ATP1B2: variants seen among roughly 807,000 people sequenced by gnomAD.
ATP1B2 encodes the protein ATPase Na+/K+ transporting subunit beta 2.
ATP1B2 carries 12 observed loss-of-function variants against 37.3 expected under a neutral mutation model. That is an observed-to-expected ratio of 0.32 (90% CI 0.21 to 0.52). ATP1B2 has a LOEUF of 0.52. ATP1B2 is among the 20% of genes least tolerant of loss of function. The pLI is 0.96. For synonymous variants in ATP1B2, 139 were observed against 140.5 expected, an observed-to-expected ratio of 0.99 and a Z score of 0.07; for missense variants, 324 against 391.6, an observed-to-expected ratio of 0.83 and a Z score of 1.46.
chr17:7,653,615 C>A, intron 2 of ATP1B2, 113 bp downstream of exon 2: 1 of 1,490,360 alleles, frequency 6.7e-7, no homozygotes, highest in Middle Eastern at 2.0e-4. Context: ...CCAATCCCCA[C>A]GTGCTTGGAA....
intron 2 of ATP1B2, 53 bp downstream of exon 2, chr17:7,653,555 A>G: frequency 6.2e-7 from 1 of 1,603,284 alleles, no homozygotes; most frequent in Non-Finnish European, 8.5e-7. Context: ...TGTGCCCCCA[A>G]ACCTCCAGAA....
chr17:7,656,147 G>A lies in ATP1B2; in HGVS notation c.*252G>A, dbSNP rs1422293842. On this transcript the variant is annotated 3_prime_UTR_variant, in exon 7 of 7. Transcript: ENST00000250111. The stretch of plus-strand genomic sequence containing the variant: ...GGAGCTGGGCTAAGATGGCCACGGA[G>A]GAGTTAGGAGCCTTTCTAGTTCTGG... 7 of 537,458 alleles carry A rather than the reference G, an allele frequency of 1.3e-5. No individual in the cohort carries two copies. Among genetic ancestry groups the A allele is most frequent in the Non-Finnish European group, 2.3e-5 (7 of 299,030 alleles). 33.3% of individuals were successfully genotyped at this position (537,458 alleles called of 1,614,324 possible).
chr17:7,652,820 C>G (rs368847760), intron 1 of ATP1B2, among the ~76,000 whole-genome samples: 80 of 152,216 alleles, frequency 5.3e-4, no homozygotes, highest in East Asian at 2.5e-3. Flanking sequence ...GTTGAAGGTT[C>G]TAACAAGCCG....
chr17:7,646,877 A>G (rs1413804422), upstream of ATP1B2, among the ~76,000 whole-genome samples: 2 of 152,110 alleles, frequency 1.3e-5, no homozygotes, highest in African/African-American at 2.4e-5. Flanking sequence ...CAGGAGTTCA[A>G]CACAAGCCTT....
At chr17:7,650,030 TG>T (rs1219366714), upstream of ATP1B2, among the ~76,000 whole-genome samples, 3 of 152,172 alleles carry the variant, frequency 2.0e-5, no homozygotes, top group African/African-American at 7.2e-5. Flanking sequence ...GTAGAGCAAG[TG>T]TACTCCCGCC....
rs775542324 is a variant in ATP1B2, at chr17:7,655,244, T to G, written c.610-283T>G. ...TCTTGGCTCTGCTCCAGAAACTGAT[T>G]CCTGAGGATGGGGTAAGAACTTGGG... On this transcript the variant is annotated intron_variant, in intron 5 of 6. Transcript: ENST00000250111. The surrounding 1 kb of genome is among the most constrained non-coding windows in gnomAD (Gnocchi z 4.4). 5.9e-6 allele frequency: 3 copies of G among 506,472 alleles called. No individual in the cohort carries two copies. Among genetic ancestry groups the G allele is most frequent in the Non-Finnish European group, 1.1e-5 (3 of 284,766 alleles). 31.4% of individuals were successfully genotyped at this position (506,472 alleles called of 1,614,324 possible). A position where few individuals can be genotyped will look rare whatever the true frequency, so the allele number is the denominator to read the frequency against.
Position 7,654,928 on chromosome 17 carries a change from CCCT to C in ATP1B2, c.609+250_609+252del. On this transcript the variant is annotated intron_variant, in intron 5 of 6. Coordinates refer to ENST00000250111, the MANE Select transcript of ATP1B2 (RefSeq NM_001678.5). This position sits in a 1 kb window ranked among gnomAD's most constrained non-coding sequence, Gnocchi z 4.9. ...TGCTCTCCTAGGGGCCAGACACACG[CCCT>C]CCTCCACCAACGCCCTGGCCTCTGG... 1 of 511,098 alleles carries C rather than the reference CCCT, an allele frequency of 2.0e-6. No homozygotes were observed. The allele number at this position is 511,098 out of a possible 1,614,324, so 31.7% of individuals were successfully genotyped here.
In ATP1B2 at chr17:7,651,529, A is replaced by C. The variant is rs527725561; in HGVS notation, c.11A>C (p.Gln4Pro). 1.9e-6 allele frequency: 3 copies of C among 1,599,964 alleles called. No homozygotes were observed. The highest frequency in any genetic ancestry group is 1.7e-5 in the Admixed American group (1 of 58,262). The change falls in exon 1 of 7, where the codon CAG becomes CCG. Residue 4 changes from glutamine to proline, a missense_variant. By Grantham distance (76) the Gln-to-Pro change is moderately conservative (BLOSUM62 -1). Coordinates refer to ENST00000250111, the MANE Select transcript of ATP1B2 (RefSeq NM_001678.5). MVI[Q>P]KEKKSCGQVV... ...CCCCGCGCCACCAAGATGGTCATCC[A>C]GAAAGAGAAGAAGAGCTGCGGGCAG...
In ATP1B2 at chr17:7,653,946, G is replaced by A. The variant is rs753732257; in HGVS notation, c.346+1G>A. On this transcript the variant is annotated splice_donor_variant, in intron 3 of 6. Transcript: ENST00000250111. LOFTEE classifies it high-confidence loss of function. ...CAGAAGCTCAACAAGTTCTTGGAGCGTGAGTGTGGGCCTGGTTATGTGTCA... is the reference window on the plus strand; with the variant it reads ...CAGAAGCTCAACAAGTTCTTGGAGCATGAGTGTGGGCCTGGTTATGTGTCA... 1.2e-6 allele frequency: 2 copies of A among 1,614,000 alleles called. No individual in the cohort carries two copies. The highest frequency in any genetic ancestry group is 1.3e-5 in the African/African-American group (1 of 74,914).
rs764974809 is a variant in ATP1B2 at position 7,654,114 on chromosome 17, C to T, written c.409C>T (p.Gln137Ter). 1 of 1,614,184 alleles carries T rather than the reference C, an allele frequency of 6.2e-7. No homozygotes were observed. Reference protein sequence around the residue: ...DVCRPGRYYEQPDNGVLNYPK... With the variant: ...DVCRPGRYYE ...CTGCCGCCCTGGACGCTATTACGAA[C>T]AGCCAGATAATGGAGTCCTCAACTA... Residue 137 changes from glutamine to a stop codon, truncating the protein, a stop_gained, in exon 4 of 7, where the codon CAG (glutamine) becomes TAG (stop). Transcript: ENST00000250111. LOFTEE classifies it high-confidence loss of function. The surrounding 1 kb of genome is among the most constrained non-coding windows in gnomAD (Gnocchi z 4.9).
chr17:7,651,195 C>T lies in ATP1B2; in HGVS notation c.-324C>T. 1 of 281,222 alleles carries T rather than the reference C, an allele frequency of 3.6e-6. No homozygotes were observed. The highest frequency in any genetic ancestry group is 6.8e-6 in the Non-Finnish European group (1 of 146,642). 17.4% of individuals were successfully genotyped at this position (281,222 alleles called of 1,614,324 possible). On this transcript the variant is annotated 5_prime_UTR_variant, in exon 1 of 7. Transcript: ENST00000250111. ...AGCCGTCTGTTTTTGCACCCCATTT[C>T]GTTTTGTTTCTAGACGGTTTGGTGG...
Position 7,653,315 on chromosome 17 carries a change from G to A in ATP1B2, c.113-59G>A. The A allele has an allele frequency of 2.5e-6, 4 of 1,609,380 alleles. No individual in the cohort carries two copies. In the South Asian group the frequency reaches 3.3e-5, roughly 13 times the overall value. ...CAGAGTGGGTAGAGGGGTGTGTGGG[G>A]ATAGTTGAGGTTATGGTGGGAACCT... On this transcript the variant is annotated intron_variant, in intron 1 of 6. Transcript: ENST00000250111.
At chr17:7,651,937 C>T (rs1156817073) in intron 1 of ATP1B2, among the ~76,000 whole-genome samples, 1 of 152,200 alleles carries the variant, frequency 6.6e-6, no homozygotes, top group Non-Finnish European at 1.5e-5. Context: ...GTCCGCTCCA[C>T]ACGGGCGTCC....
chr17:7,653,015 T>TGTGTGTG (rs2072623915), intron 1 of ATP1B2, among the ~76,000 whole-genome samples: 1 of 152,182 alleles, frequency 6.6e-6, no homozygotes, highest in Non-Finnish European at 1.5e-5. Context: ...AAAGGCACCA[T>TGTGTGTG]GCTAGCACAG....
upstream of ATP1B2, among the ~76,000 whole-genome samples, chr17:7,649,012 T>A (rs2072592511): frequency 1.3e-5 from 2 of 152,102 alleles, no homozygotes; most frequent in Admixed American, 1.3e-4. Context: ...CTACCTACCC[T>A]TCAGAGGCCA....
Position 7,654,231 on chromosome 17 carries a change from C to T in ATP1B2, c.526C>T (p.Pro176Ser). The part of the protein sequence containing the change: ...STHYGYSTGQ[P>S]CVFIKMNRVI... ...CCACTATGGTTACAGCACTGGGCAG[C>T]CCTGTGTCTTCATCAAGATGAACCG... Residue 176 changes from proline (P) to serine (S), a missense_variant, in exon 4 of 7, where the codon CCC (proline) becomes TCC (serine). Coordinates refer to ENST00000250111, the MANE Select transcript of ATP1B2 (RefSeq NM_001678.5). The surrounding 1 kb of genome is among the most constrained non-coding windows in gnomAD (Gnocchi z 4.9). 6.2e-7 allele frequency: 1 copy of T among 1,614,038 alleles called. No homozygotes were observed. The highest frequency in any genetic ancestry group is 8.5e-7 in the Non-Finnish European group (1 of 1,179,934).
rs2072661254 is a variant in ATP1B2 at position 7,657,259 on chromosome 17, C to T, written c.*1364C>T. ...TCTGCCCCCACCATCCTTTCTCTGG[C>T]TTCTTTTAGCAAGTTATCAACTAAT... On this transcript the variant is annotated 3_prime_UTR_variant, in exon 7 of 7. Coordinates refer to ENST00000250111, the MANE Select transcript of ATP1B2 (RefSeq NM_001678.5). 6.6e-6 allele frequency: 1 copy of T among 152,182 alleles called. No homozygotes were observed. The highest frequency in any genetic ancestry group is 2.4e-5 in the African/African-American group (1 of 41,432). The allele number at this position is 152,182 out of a possible 1,614,324, so 9.4% of individuals were successfully genotyped here.
chr17:7,647,275 A>T (rs2072580949), upstream of ATP1B2, among the ~76,000 whole-genome samples: 1 of 152,102 alleles, frequency 6.6e-6, no homozygotes, highest in African/African-American at 2.4e-5. Context: ...TGTTTTGGCC[A>T]CTTACGCTGG....
rs200310347 is a variant in ATP1B2 at position 7,655,519 on chromosome 17, C to A, written c.610-8C>A. 18 of 1,613,964 alleles carry A rather than the reference C, an allele frequency of 1.1e-5. No homozygotes were observed. Among genetic ancestry groups the A allele is most frequent in the Non-Finnish European group, 1.5e-5 (18 of 1,179,990 alleles). ...TGGCTCACCCCCTATCTTCCTGCAC[C>A]CCCACAGCGAGATGAAGATGCTGAG... is the stretch of plus-strand genomic sequence containing the variant. On this transcript the variant is annotated splice_region_variant and splice_polypyrimidine_tract_variant and intron_variant, in intron 5 of 6. Coordinates refer to ENST00000250111, the MANE Select transcript of ATP1B2 (RefSeq NM_001678.5). The surrounding 1 kb of genome is among the most constrained non-coding windows in gnomAD (Gnocchi z 4.4).
Sources: allele counts gnomAD v4.1 joint callset (sites outside exome capture counted in the v4.1 genomes callset), GRCh38; gene constraint gnomAD v4.1.1; non-coding constraint Gnocchi (gnomAD v3.1); transcripts MANE v1.5; gene names NCBI Gene and HGNC (gene_info 2026-07-23, HGNC 2026-07-21).